Variants in CNTN5 observed in about 807,000 individuals in gnomAD.
The protein encoded by CNTN5 is contactin 5.
A neutral mutation model predicts 129.1 loss-of-function variants in CNTN5; 77 were observed. The observed-to-expected ratio is 0.60, with a 90% CI of 0.50 to 0.72. The LOEUF (loss-of-function observed/expected upper bound fraction) is 0.72, where lower values mean the gene tolerates loss of function less well. Ranked by LOEUF, CNTN5 falls within the 30% of genes least tolerant of loss-of-function variation. The pLI is 0.00. For missense variants in CNTN5, 1,478 were observed against 1,328.8 expected, an observed-to-expected ratio of 1.11 and a Z score of -1.75; for synonymous variants, 509 against 465.6, an observed-to-expected ratio of 1.09 and a Z score of -1.20.
chr11:100,104,026 T>C (rs958067536), intron 13 of CNTN5, among the ~76,000 whole-genome samples: 4 of 152,122 alleles, frequency 2.6e-5, no homozygotes, highest in African/African-American at 9.7e-5. Flanking sequence ...TGTTAAATTA[T>C]CTGCTTCTCA....
At chr11:99,969,809 T>C (rs951641253) in intron 8 of CNTN5, among the ~76,000 whole-genome samples, 5 of 152,174 alleles carry the variant, frequency 3.3e-5, no homozygotes, top group African/African-American at 1.2e-4. Flanking sequence ...ACCCAGTGTG[T>C]CTTATTTGCA....
chr11:99,990,104 TG>T (rs1453527213), intron 8 of CNTN5, among the ~76,000 whole-genome samples: 1 of 152,132 alleles, frequency 6.6e-6, no homozygotes, highest in Non-Finnish European at 1.5e-5. Context: ...CTTTCATGTT[TG>T]GTAAATATAT....
intron 9 of CNTN5, among the ~76,000 whole-genome samples, chr11:100,048,096 A>G (rs1395556390): frequency 1.3e-5 from 2 of 152,062 alleles, no homozygotes; most frequent in Non-Finnish European, 2.9e-5. Flanking sequence ...GCGCCACTGT[A>G]CTCCAGCCTG....
At chr11:99,992,545 C>T (rs1285978385) in intron 8 of CNTN5, among the ~76,000 whole-genome samples, 5 of 152,102 alleles carry the variant, frequency 3.3e-5, no homozygotes, top group Non-Finnish European at 4.4e-5. Flanking sequence ...ATAAAATCTG[C>T]TAAGGAAACT....
chr11:100,070,664 G>A (rs556353728), intron 11 of CNTN5, 104 bp downstream of exon 11: 12 of 1,004,576 alleles, frequency 1.2e-5, no homozygotes, highest in African/African-American at 8.1e-5. Flanking sequence ...TCCTGTTTCT[G>A]ATTCGTATAA....
At chr11:99,787,538 G>T (rs998156392) in intron 3 of CNTN5, among the ~76,000 whole-genome samples, 1 of 150,888 alleles carries the variant, frequency 6.6e-6, no homozygotes, top group Non-Finnish European at 1.5e-5. Flanking sequence ...AATGGCCAAG[G>T]AATGATTCAA....
intron 6 of CNTN5, among the ~76,000 whole-genome samples, chr11:99,912,503 A>G (rs1026906798): frequency 2.0e-4 from 31 of 152,034 alleles, no homozygotes; most frequent in Non-Finnish European, 3.4e-4. Flanking sequence ...AATATATAGT[A>G]TGCATTGAAT....
intron 18 of CNTN5, among the ~76,000 whole-genome samples, chr11:100,281,973 TC>T (rs1301091481): frequency 6.6e-6 from 1 of 151,184 alleles, no homozygotes; most frequent in Non-Finnish European, 1.5e-5. Flanking sequence ...CTGATAGAAT[TC>T]TGAATTCTTT....
chr11:99,540,833 G>A (rs1186212572), intron 2 of CNTN5, among the ~76,000 whole-genome samples: 3 of 152,082 alleles, frequency 2.0e-5, no homozygotes, highest in Non-Finnish European at 2.9e-5. Context: ...TGAAAATCTA[G>A]GGTATGTATG....
At chr11:99,727,134 G>A (rs1019146589) in intron 3 of CNTN5, among the ~76,000 whole-genome samples, 7 of 147,736 alleles carry the variant, frequency 4.7e-5, no homozygotes, top group Non-Finnish European at 8.9e-5. Flanking sequence ...GTGAAACCCC[G>A]TCTCTACTAA....
At chr11:99,500,655 G>T (rs559670163) in intron 2 of CNTN5, among the ~76,000 whole-genome samples, 1 of 151,888 alleles carries the variant, frequency 6.6e-6, no homozygotes, top group Non-Finnish European at 1.5e-5. Flanking sequence ...TGGCTACATA[G>T]TATTCCATGA....
At position 100,226,937 on chromosome 11, in the gene CNTN5, T is replaced by C. The variant is rs1043333689; in HGVS notation, c.2005+2125T>C. Among the ~76,000 whole-genome samples, 29 of 152,114 alleles carry C rather than the reference T, an allele frequency of 1.9e-4. 1 individual carries two copies. The highest frequency in any genetic ancestry group is 6.8e-4 in the African/African-American group (28 of 41,428). On this transcript the variant is annotated intron_variant, in intron 16 of 24. Transcript: ENST00000524871. ...AAACTCATGGTATTCTAATAGTATATGCCACAGGACCAAAGTTGAGCATTC... is the reference window on the plus strand; with the variant it reads ...AAACTCATGGTATTCTAATAGTATACGCCACAGGACCAAAGTTGAGCATTC...
At chr11:99,264,675 C>T (rs918331409) in intron 1 of CNTN5, among the ~76,000 whole-genome samples, 9 of 151,892 alleles carry the variant, frequency 5.9e-5, no homozygotes, top group African/African-American at 2.2e-4. Context: ...CAATGTATGC[C>T]TAAAGTTAGA....
intron 13 of CNTN5, among the ~76,000 whole-genome samples, chr11:100,156,131 G>C (rs1228789468): frequency 6.6e-6 from 1 of 152,232 alleles, no homozygotes; most frequent in African/African-American, 2.4e-5. Flanking sequence ...TATGATACTG[G>C]CTATGGGTTT....
At chr11:99,541,100 C>T (rs941964321) in intron 2 of CNTN5, among the ~76,000 whole-genome samples, 7 of 152,114 alleles carry the variant, frequency 4.6e-5, no homozygotes, top group African/African-American at 1.2e-4. Flanking sequence ...TATGAAGAAT[C>T]GTAACAACTC....
intron 1 of CNTN5, among the ~76,000 whole-genome samples, chr11:99,066,090 AC>A (rs1242273896): frequency 1.3e-5 from 2 of 152,096 alleles, no homozygotes; most frequent in African/African-American, 4.8e-5. Context: ...TATTCAAATA[AC>A]TTTTTTGCTA....
At chr11:99,462,185 A>C (rs1944725601) in intron 2 of CNTN5, among the ~76,000 whole-genome samples, 1 of 152,158 alleles carries the variant, frequency 6.6e-6, no homozygotes, top group African/African-American at 2.4e-5. Flanking sequence ...TAATTCTACT[A>C]AACCACTGAC....
chr11:99,395,062 T>C (rs940641537), intron 2 of CNTN5, among the ~76,000 whole-genome samples: 1 of 151,898 alleles, frequency 6.6e-6, no homozygotes, highest in African/African-American at 2.4e-5. Flanking sequence ...TACCCCATAA[T>C]GGGATTGCTG....
chr11:99,694,139 A>T (rs1954157432), intron 3 of CNTN5, among the ~76,000 whole-genome samples: 1 of 152,140 alleles, frequency 6.6e-6, no homozygotes, highest in African/African-American at 2.4e-5. Context: ...GCTAGAAAAA[A>T]AAAACATGAA....
Sources: allele counts gnomAD v4.1 joint callset (sites outside exome capture counted in the v4.1 genomes callset), GRCh38; gene constraint gnomAD v4.1.1; transcripts MANE v1.5; gene names NCBI Gene and HGNC (gene_info 2026-07-23, HGNC 2026-07-21).